AKAP13: variants seen among roughly 807,000 people sequenced by gnomAD.
AKAP13 encodes A-kinase anchor protein 13.
AKAP13 carries 80 observed loss-of-function variants against 264.5 expected under a neutral mutation model. The observed-to-expected ratio is 0.30, with a 90% CI of 0.25 to 0.36. The LOEUF is 0.36. Ranked by LOEUF, AKAP13 falls within the 10% of genes least tolerant of loss-of-function variation. The pLI is 1.00. For missense variants in AKAP13, 3,712 were observed against 3,435.2 expected, an observed-to-expected ratio of 1.08 and a Z score of -2.01; for synonymous variants, 1,380 against 1,250.2, an observed-to-expected ratio of 1.10 and a Z score of -2.19.
intron 1 of AKAP13, among the ~76,000 whole-genome samples, chr15:85,485,326 C>A (rs556860290): frequency 6.6e-6 from 1 of 152,278 alleles, no homozygotes; most frequent in African/African-American, 2.4e-5. Context: ...CCTAGTAAGA[C>A]TGCAAGAAGT....
intron 4 of AKAP13, among the ~76,000 whole-genome samples, chr15:85,540,291 C>G (rs925976848): frequency 2.0e-5 from 3 of 152,172 alleles, no homozygotes; most frequent in Admixed American, 6.5e-5. Context: ...CAGGGGAAAT[C>G]TAAGACCTGC....
rs566177536 is a variant in AKAP13 at position 85,638,320 on chromosome 15, G to A, written c.4162-1054G>A. ...TTCTCTTATATTTAAGACTTGTTTT[G>A]TGCTACAGTATATGTTTGTTTTATT... is the stretch of plus-strand genomic sequence containing the variant. On this transcript the variant is annotated intron_variant, in intron 8 of 36. Transcript: ENST00000394518. Among the ~76,000 whole-genome samples, 11 of 151,956 alleles carry A rather than the reference G, an allele frequency of 7.2e-5. No individual in the cohort carries two copies. In the South Asian group the frequency reaches 2.3e-3, roughly 32 times the overall value.
intron 5 of AKAP13, among the ~76,000 whole-genome samples, chr15:85,558,849 A>G (rs530588707): frequency 1.3e-5 from 2 of 151,656 alleles, no homozygotes; most frequent in South Asian, 4.2e-4. Context: ...TTTCTGTTTG[A>G]TTTTGTTTTG....
chr15:85,691,726 C>T (rs1377152772), intron 16 of AKAP13: 9 of 448,000 alleles, frequency 2.0e-5, no homozygotes, highest in Non-Finnish European at 3.1e-5. Flanking sequence ...GTACCTAGCC[C>T]GGTTTTGGCC....
intron 8 of AKAP13, chr15:85,635,038 G>A: frequency 2.5e-6 from 1 of 398,066 alleles, no homozygotes; most frequent in South Asian, 1.3e-4. Context: ...AAAAATTCCA[G>A]TGCAAGTCTT....
rs894614215 is a variant in AKAP13, at chr15:85,743,724, C to G, written c.8291C>G (p.Pro2764Arg). ...NKGPEGQSQAPASTSASTRLF... is the reference protein window; with the variant it reads ...NKGPEGQSQARASTSASTRLF... ...GGACCAGAAGGGCAGAGCCAGGCCC[C>G]TGCGTCCACCTCTGCCTCTACCCGC... The change falls in exon 36 of 37, where the codon CCT becomes CGT. Residue 2764 changes from proline to arginine, a missense_variant. By Grantham distance (103) the Pro-to-Arg change is moderately radical. Coordinates refer to ENST00000394518, the MANE Select transcript of AKAP13 (RefSeq NM_007200.5). 1.9e-6 allele frequency: 3 copies of G among 1,614,148 alleles called. No individual in the cohort carries two copies. In the South Asian group the frequency reaches 3.3e-5, roughly 18 times the overall value.
Position 85,664,709 on chromosome 15 carries a change from A to G in AKAP13, c.4946A>G (p.Glu1649Gly), listed in dbSNP as rs757526314. Residue 1649 changes from glutamate (E) to glycine (G), a missense_variant, in exon 13 of 37, where the codon GAG becomes GGG. Coordinates refer to ENST00000394518, the MANE Select transcript of AKAP13 (RefSeq NM_007200.5). ...GACTCTTTGGTGTCACTTTCAGAAGAGGATCTGGAGTCAGACCAGAGAGAA... is the reference window on the plus strand; with the variant it reads ...GACTCTTTGGTGTCACTTTCAGAAGGGGATCTGGAGTCAGACCAGAGAGAA... ...RVDSLVSLSE[E>G]DLESDQREHR... 8 of 1,614,108 alleles carry G rather than the reference A, an allele frequency of 5.0e-6. No individual in the cohort carries two copies. In the South Asian group the frequency reaches 5.5e-5, roughly 11 times the overall value.
At chr15:85,385,298 T>A (rs1196876936) in intron 1 of AKAP13, among the ~76,000 whole-genome samples, 1 of 146,798 alleles carries the variant, frequency 6.8e-6, no homozygotes, top group African/African-American at 2.4e-5. Flanking sequence ...TATAGTTGAT[T>A]AAGAAAAATT....
intron 1 of AKAP13, chr15:85,415,196 C>T (rs565893720): frequency 7.9e-6 from 11 of 1,388,212 alleles, no homozygotes; most frequent in African/African-American, 2.9e-5. Context: ...ACGCAGACCC[C>T]GCTCTGCACG....
intron 1 of AKAP13, among the ~76,000 whole-genome samples, chr15:85,465,265 T>G (rs1246259075): frequency 6.6e-6 from 1 of 152,106 alleles, no homozygotes; most frequent in Non-Finnish European, 1.5e-5. Flanking sequence ...CATTAATTAC[T>G]TTTTAACCTT....
At chr15:85,668,710 G>C (rs539166670) in intron 13 of AKAP13, among the ~76,000 whole-genome samples, 2 of 152,312 alleles carry the variant, frequency 1.3e-5, no homozygotes, top group East Asian at 3.9e-4. Context: ...GGGAGGCTGA[G>C]ATGGGTGGAT....
At chr15:85,434,043 C>T (rs2073148741) in intron 1 of AKAP13, among the ~76,000 whole-genome samples, 1 of 151,926 alleles carries the variant, frequency 6.6e-6, no homozygotes. Flanking sequence ...CGGGTGATTT[C>T]TGCATTTCCA....
chr15:85,465,530 T>C (rs62022110), intron 1 of AKAP13, among the ~76,000 whole-genome samples: 1 of 116,850 alleles, frequency 8.6e-6, no homozygotes. Context: ...GTCACCAGAG[T>C]GTGATGTTCC....
At chr15:85,482,481 G>T (rs2075381406) in intron 1 of AKAP13, among the ~76,000 whole-genome samples, 1 of 152,144 alleles carries the variant, frequency 6.6e-6, no homozygotes, top group East Asian at 1.9e-4. Context: ...CACATTGTAG[G>T]TGCACAATGA....
rs16941614 is a variant in AKAP13 at position 85,567,811 on chromosome 15, A to G, written c.663-7320A>G. Among the ~76,000 whole-genome samples, 1,494 of 152,290 alleles carry G rather than the reference A, an allele frequency of 9.8e-3. 31 individuals carry two copies. The highest frequency in any genetic ancestry group is 0.035 in the African/African-American group (1,438 of 41,550). ...GTTTACTCGTATTTTTATATTATGT[A>G]CCAACTTTGGATCTTAAACCCTCAG... On this transcript the variant is annotated intron_variant, in intron 5 of 36. Transcript: ENST00000394518.
chr15:85,520,498 CAAAA>C (rs71468111), intron 2 of AKAP13, among the ~76,000 whole-genome samples: 77 of 71,298 alleles, frequency 1.1e-3, no homozygotes, highest in Middle Eastern at 7.7e-3. Flanking sequence ...AACTCCGTCT[CAAAA>C]AAAAAAAAAA....
intron 5 of AKAP13, among the ~76,000 whole-genome samples, chr15:85,559,246 A>G (rs775369428): frequency 3.2e-4 from 49 of 152,304 alleles, no homozygotes; most frequent in Non-Finnish European, 4.3e-4. Context: ...AATAACTGTC[A>G]TGGAATAGAC....
intron 1 of AKAP13, among the ~76,000 whole-genome samples, chr15:85,403,305 A>G (rs1466754083): frequency 6.6e-6 from 1 of 152,234 alleles, no homozygotes; most frequent in Non-Finnish European, 1.5e-5. Context: ...TGCCCTAAGA[A>G]TGGATTTACC....
chr15:85,505,850 C>G (rs2076205744), intron 2 of AKAP13, among the ~76,000 whole-genome samples: 1 of 152,120 alleles, frequency 6.6e-6, no homozygotes. Flanking sequence ...AGGTGCTCTT[C>G]TTGTCATTAG....
Sources: gnomAD v4.1 joint callset for allele counts (sites outside exome capture counted in the v4.1 genomes callset) on GRCh38, gnomAD v4.1.1 for gene constraint, MANE v1.5 for transcripts, NCBI Gene and HGNC (gene_info 2026-07-23, HGNC 2026-07-21) for gene names.